COG5: variants seen among roughly 807,000 people sequenced by gnomAD.
The protein encoded by COG5 is conserved oligomeric Golgi complex subunit 5.
A neutral mutation model predicts 110.4 loss-of-function variants in COG5; 86 were observed. The observed-to-expected ratio is 0.78, with a 90% CI of 0.65 to 0.93. COG5 has a LOEUF of 0.93. Among genes scored for constraint, COG5 ranks in the 40% least tolerant of loss-of-function variants. COG5 has a pLI of 0.00. For synonymous variants in COG5, 360 were observed against 334.6 expected, an observed-to-expected ratio of 1.08 and a Z score of -0.83; for missense variants, 1,077 against 987.0, an observed-to-expected ratio of 1.09 and a Z score of -1.22.
intron 12 of COG5, among the ~76,000 whole-genome samples, chr7:107,291,810 G>C (rs975436495): frequency 3.9e-5 from 6 of 152,074 alleles, no homozygotes; most frequent in African/African-American, 1.2e-4. Context: ...TTATTCTCCG[G>C]ATCTCTCCTT....
chr7:107,214,268 T>C (rs1156633171), intron 19 of COG5, among the ~76,000 whole-genome samples: 1 of 152,134 alleles, frequency 6.6e-6, no homozygotes, highest in Non-Finnish European at 1.5e-5. Context: ...ACTTGTTACA[T>C]ACAAAGAACT....
At chr7:107,435,427 TGGATCACTTGA>T (rs1272024352) in intron 6 of COG5, among the ~76,000 whole-genome samples, 4 of 152,028 alleles carry the variant, frequency 2.6e-5, no homozygotes, top group Admixed American at 2.6e-4. Flanking sequence ...CCAAGGTAGG[TGGATCACTTGA>T]GGTCAGGAAT....
intron 7 of COG5, among the ~76,000 whole-genome samples, chr7:107,373,985 G>A (rs1584744328): frequency 2.0e-5 from 3 of 151,972 alleles, no homozygotes; most frequent in East Asian, 1.9e-4. Flanking sequence ...GAAAATAACA[G>A]GAAACATGGC....
At chr7:107,393,240 C>A (rs190336341) in intron 7 of COG5, among the ~76,000 whole-genome samples, 49 of 152,152 alleles carry the variant, frequency 3.2e-4, no homozygotes, top group Admixed American at 1.7e-3. Flanking sequence ...TTTCAATGTT[C>A]CAGGATCAGC....
At chr7:107,254,281 C>T (rs1802726698) in intron 16 of COG5, among the ~76,000 whole-genome samples, 1 of 152,070 alleles carries the variant, frequency 6.6e-6, no homozygotes, top group African/African-American at 2.4e-5. Context: ...CTGGGTTGGG[C>T]TGCAGGCATT....
chr7:107,268,665 G>C (rs959587552), intron 14 of COG5, among the ~76,000 whole-genome samples: 20 of 152,118 alleles, frequency 1.3e-4, no homozygotes, highest in Non-Finnish European at 2.5e-4. Context: ...ATTAGTCTGA[G>C]GCTGTCTTGT....
At chr7:107,251,016 A>G (rs1276639110) in intron 16 of COG5, among the ~76,000 whole-genome samples, 1 of 151,812 alleles carries the variant, frequency 6.6e-6, no homozygotes, top group African/African-American at 2.4e-5. Context: ...AAAAGCATGA[A>G]TTTACAGATT....
intron 10 of COG5, among the ~76,000 whole-genome samples, chr7:107,337,219 C>T (rs1467770533): frequency 6.6e-6 from 1 of 152,024 alleles, no homozygotes; most frequent in Non-Finnish European, 1.5e-5. Context: ...ATTAGTGTAG[C>T]CACTATGGAA....
In COG5 at chr7:107,230,494, A is replaced by T. The variant is rs546480581; in HGVS notation, c.2168+121T>A. The T allele has an allele frequency of 7.7e-6, 6 of 776,896 alleles. No homozygotes were observed. In the East Asian group the frequency reaches 9.8e-5, roughly 13 times the overall value. The allele number at this position is 776,896 out of a possible 1,614,324, so 48.1% of individuals were successfully genotyped here. ...GAATACTTTCTAAGATGAATCATGA[A>T]ATTGCCATTGTTGTAGATCAAAAAT... On this transcript the variant is annotated intron_variant, in intron 19 of 21. Coordinates refer to ENST00000297135, the MANE Select transcript of COG5 (RefSeq NM_006348.5).
chr7:107,549,435 A>C lies in COG5; in HGVS notation c.293-1103T>G, dbSNP rs1020291911. Among the ~76,000 whole-genome samples the C allele has an allele frequency of 2.0e-5, 3 of 152,118 alleles. No individual in the cohort carries two copies. In the East Asian group the frequency reaches 5.8e-4, roughly 29 times the overall value. On this transcript the variant is annotated intron_variant, in intron 3 of 21. Coordinates refer to ENST00000297135, the MANE Select transcript of COG5 (RefSeq NM_006348.5). The stretch of plus-strand genomic sequence containing the variant: ...GAGACAGAGTCTCGCTCTGTCGCCC[A>C]GGCTGGAGTGCAGTGGCTTGATCCC...
In COG5 at chr7:107,281,288, G is replaced by A; in HGVS notation, c.1575+12C>T. On this transcript the variant is annotated intron_variant, in intron 14 of 21. Coordinates refer to ENST00000297135, the MANE Select transcript of COG5 (RefSeq NM_006348.5). ...AAATCATTAAAGTTTACAGATAAAG[G>A]AAACCACTTACAAGCTGCTCTGATT... The A allele has an allele frequency of 6.4e-7, 1 of 1,566,844 alleles. No homozygotes were observed. The highest frequency in any genetic ancestry group is 1.4e-5 in the African/African-American group (1 of 74,018).
At chr7:107,244,119 G>A (rs773555767) in intron 17 of COG5, among the ~76,000 whole-genome samples, 4 of 152,060 alleles carry the variant, frequency 2.6e-5, no homozygotes, top group Non-Finnish European at 4.4e-5. Context: ...GGTAGGGGTG[G>A]TGCGGGCCTG....
At chr7:107,366,493 A>G (rs1813630774) in intron 8 of COG5, among the ~76,000 whole-genome samples, 1 of 152,154 alleles carries the variant, frequency 6.6e-6, no homozygotes, top group Non-Finnish European at 1.5e-5. Context: ...ATAAAAGGGA[A>G]CATACTTTAA....
At chr7:107,462,356 G>A (rs1796044280) in intron 6 of COG5, among the ~76,000 whole-genome samples, 1 of 152,162 alleles carries the variant, frequency 6.6e-6, no homozygotes, top group Admixed American at 6.5e-5. Flanking sequence ...GATCTCACCA[G>A]ATGTTCACAG....
At position 107,550,466 on chromosome 7, in the gene COG5, A is replaced by T. The variant is rs575737229; in HGVS notation, c.293-2134T>A. 1.2e-4 allele frequency among the ~76,000 whole-genome samples: 19 copies of T among 152,236 alleles called. No homozygotes were observed. In the South Asian group the frequency reaches 3.9e-3, roughly 32 times the overall value. ...AAATTCCTTCCCAAGAACCTTATCT[A>T]CGATCCTCTCCCTCCTTCACTAAAC... On this transcript the variant is annotated intron_variant, in intron 3 of 21. Transcript: ENST00000297135.
At chr7:107,535,985 T>C (rs548923984) in intron 5 of COG5, among the ~76,000 whole-genome samples, 54 of 152,314 alleles carry the variant, frequency 3.5e-4, no homozygotes, top group Admixed American at 6.5e-4. Context: ...ATCCCTGGGA[T>C]GCAAGGCTGG....
At chr7:107,346,273 A>G (rs1257688883) in intron 10 of COG5, among the ~76,000 whole-genome samples, 2 of 152,174 alleles carry the variant, frequency 1.3e-5, no homozygotes, top group Admixed American at 6.5e-5. Flanking sequence ...TTAATATTTT[A>G]TCATTTAAAA....
At position 107,281,327 on chromosome 7, in the gene COG5, C is replaced by T. The variant is rs1805146984; in HGVS notation, c.1548G>A (p.Gln516=). 6.2e-7 allele frequency: 1 copy of T among 1,613,122 alleles called. No homozygotes were observed. Residue 516 remains glutamine, a synonymous_variant, in exon 14 of 22, where the codon CAG becomes CAA. Coordinates refer to ENST00000297135, the MANE Select transcript of COG5 (RefSeq NM_006348.5). The part of the protein sequence containing the change: ...AVSKNVAKTI[Q]LYSVKSEQLL... ...GCTGCTCTGATTTTACACTGTATAA[C>T]TGGATGGTCTTTGCCACATTTTTTG... is the stretch of plus-strand genomic sequence containing the variant.
intron 6 of COG5, chr7:107,471,387 A>T (rs1796624090): frequency 6.6e-6 from 1 of 152,072 alleles, no homozygotes; most frequent in African/African-American, 2.4e-5. Flanking sequence ...ATAGCAGCTA[A>T]TTCAGTATTT....
Sources: gnomAD v4.1 joint callset for allele counts (sites outside exome capture counted in the v4.1 genomes callset) on GRCh38, gnomAD v4.1.1 for gene constraint, MANE v1.5 for transcripts, NCBI Gene and HGNC (gene_info 2026-07-23, HGNC 2026-07-21) for gene names.